EPM2A: variants seen among roughly 807,000 people sequenced by gnomAD.
The protein encoded by EPM2A is laforin.
Under a neutral mutation model 26.5 loss-of-function variants are expected in EPM2A, and 21 were observed. The ratio of observed to expected loss-of-function variants is 0.79; its 90% CI spans 0.56 to 1.14. EPM2A has a LOEUF of 1.14. EPM2A is among the 50% of genes most tolerant of loss of function. The probability of loss-of-function intolerance (pLI) is 0.00; values close to 1 mark genes in which losing one functional copy is unlikely to be tolerated. For missense variants in EPM2A, 458 were observed against 440.8 expected (o/e 1.04, Z -0.35); for synonymous variants, 217 against 177.6 (o/e 1.22, Z -1.76).
In EPM2A at chr6:145,714,218, C is replaced by T. The variant is rs9497399; in HGVS notation, c.301+20980G>A. Among the ~76,000 whole-genome samples, 798 of 152,260 alleles carry T rather than the reference C, an allele frequency of 5.2e-3. 4 individuals carry two copies. The highest frequency in any genetic ancestry group is 0.018 in the African/African-American group (764 of 41,556). On this transcript the variant is annotated intron_variant, in intron 1 of 3. Transcript: ENST00000367519. The stretch of plus-strand genomic sequence containing the variant: ...TCCCATGAGTAATTGGTCCCAGAAC[C>T]ACCAGCAGATACCAAAATCTGCAGA...
intron 4 of EPM2A, chr6:145,490,016 A>G (rs1041393559): frequency 7.4e-7 from 1 of 1,349,408 alleles, no homozygotes. Flanking sequence ...GACGTGTTCC[A>G]CAGTCACTTG....
intron 4 of EPM2A, among the ~76,000 whole-genome samples, chr6:145,403,683 T>G (rs532323936): frequency 3.3e-5 from 5 of 152,276 alleles, no homozygotes; most frequent in Admixed American, 2.0e-4. Context: ...GCATTTAGTG[T>G]GCTTCCAAAT....
At chr6:145,450,366 A>G (rs1224526012) in intron 4 of EPM2A, among the ~76,000 whole-genome samples, 1 of 151,612 alleles carries the variant, frequency 6.6e-6, no homozygotes, top group Non-Finnish European at 1.5e-5. Flanking sequence ...AAAAAAAAAA[A>G]AAAAAAGAAA....
At chr6:145,390,058 A>G (rs1355358738) in intron 4 of EPM2A, among the ~76,000 whole-genome samples, 3 of 152,230 alleles carry the variant, frequency 2.0e-5, no homozygotes, top group African/African-American at 4.8e-5. Context: ...GAGAGCAAGA[A>G]GGAGAGATAG....
intron 2 of EPM2A, among the ~76,000 whole-genome samples, chr6:145,538,353 C>A (rs1490057357): frequency 6.6e-6 from 1 of 151,984 alleles, no homozygotes; most frequent in Non-Finnish European, 1.5e-5. Context: ...GAAATAAGAG[C>A]TATGGAAATC....
chr6:145,676,612 A>C lies in EPM2A; in HGVS notation c.476+9510T>G, dbSNP rs187450826. Among the ~76,000 whole-genome samples the C allele has an allele frequency of 5.2e-3, 779 of 151,022 alleles. 4 individuals are homozygous for C. Among genetic ancestry groups the C allele is most frequent in the African/African-American group, 0.018 (756 of 41,488 alleles). The stretch of plus-strand genomic sequence containing the variant: ...TAAAGAAGATATCACCACCGATCCC[A>C]AAAAAATACAAACTACCATCAGAGA... On this transcript the variant is annotated intron_variant, in intron 2 of 3. Coordinates refer to ENST00000367519, the MANE Select transcript of EPM2A (RefSeq NM_005670.4).
intron 2 of EPM2A, among the ~76,000 whole-genome samples, chr6:145,684,559 T>C (rs983930773): frequency 1.3e-5 from 2 of 152,200 alleles, no homozygotes; most frequent in Non-Finnish European, 2.9e-5. Flanking sequence ...TTGTCTCTTC[T>C]ATACTTCACT....
intron 1 of EPM2A, among the ~76,000 whole-genome samples, chr6:145,711,667 T>C (rs1775334596): frequency 6.6e-6 from 1 of 152,160 alleles, no homozygotes; most frequent in Non-Finnish European, 1.5e-5. Flanking sequence ...AATGATAGTA[T>C]TAGAGTTGGC....
chr6:145,716,767 G>A (rs1384313571), intron 1 of EPM2A, among the ~76,000 whole-genome samples: 1 of 151,990 alleles, frequency 6.6e-6, no homozygotes, highest in Non-Finnish European at 1.5e-5. Flanking sequence ...CTCCAACTTT[G>A]GCTCTTTCCT....
At chr6:145,398,975 A>G (rs1185868969) in intron 4 of EPM2A, among the ~76,000 whole-genome samples, 1 of 151,914 alleles carries the variant, frequency 6.6e-6, no homozygotes. Context: ...ACACCCAAAT[A>G]TTACCACCCC....
intron 2 of EPM2A, among the ~76,000 whole-genome samples, chr6:145,542,786 C>G (rs1780531493): frequency 6.6e-6 from 1 of 152,056 alleles, no homozygotes; most frequent in African/African-American, 2.4e-5. Flanking sequence ...GAGAAGGAGT[C>G]TCACTCTTGT....
At chr6:145,500,318 C>A (rs1366936337), downstream of EPM2A, among the ~76,000 whole-genome samples, 1 of 152,148 alleles carries the variant, frequency 6.6e-6, no homozygotes, top group East Asian at 1.9e-4. Flanking sequence ...GTTTGATTTT[C>A]TACAGCTTGC....
intron 2 of EPM2A, among the ~76,000 whole-genome samples, chr6:145,612,670 CTA>C: frequency 6.7e-6 from 1 of 148,880 alleles, no homozygotes. Context: ...CTTATAAAAG[CTA>C]TGTTTATATT....
intron 4 of EPM2A, among the ~76,000 whole-genome samples, chr6:145,472,328 A>T (rs1779485287): frequency 6.6e-6 from 1 of 151,776 alleles, no homozygotes; most frequent in Non-Finnish European, 1.5e-5. Flanking sequence ...GAGACTCAGC[A>T]AATAATCAGC....
intron 4 of EPM2A, among the ~76,000 whole-genome samples, chr6:145,470,067 T>G (rs1779454134): frequency 6.6e-6 from 1 of 152,028 alleles, no homozygotes; most frequent in African/African-American, 2.4e-5. Context: ...GGTTAATGGG[T>G]ACAAAAATAT....
intron 2 of EPM2A, 39 bp from the exon 3 acceptor site, chr6:145,635,525 T>C (rs201488725): frequency 3.1e-6 from 5 of 1,610,646 alleles, no homozygotes; most frequent in Non-Finnish European, 4.2e-6. Context: ...ACTAGTGTTG[T>C]TCTGATTTGA....
chr6:145,623,578 A>G (rs182212121), downstream of EPM2A, among the ~76,000 whole-genome samples: 332 of 152,334 alleles, frequency 2.2e-3, no homozygotes, highest in Middle Eastern at 6.8e-3. Context: ...ACCAGATTGT[A>G]CAGGACCTCA....
At chr6:145,410,301 G>A (rs1352525901) in intron 4 of EPM2A, among the ~76,000 whole-genome samples, 1 of 152,120 alleles carries the variant, frequency 6.6e-6, no homozygotes, top group South Asian at 2.1e-4. Context: ...CCTGGAAAAT[G>A]TAACAAAGAA....
intron 2 of EPM2A, chr6:145,684,708 C>T (rs1202523978): frequency 6.6e-6 from 1 of 152,088 alleles, no homozygotes; most frequent in East Asian, 1.9e-4. Flanking sequence ...ATCTAACAGA[C>T]ATTTCAAAAA....
Sources: allele counts gnomAD v4.1 joint callset (sites outside exome capture counted in the v4.1 genomes callset), GRCh38; gene constraint gnomAD v4.1.1; transcripts MANE v1.5; gene names NCBI Gene and HGNC (gene_info 2026-07-23, HGNC 2026-07-21).